DUOXA1: variants seen among roughly 807,000 people sequenced by gnomAD.
DUOXA1 encodes dual oxidase maturation factor 1, also known as dual oxidase activator 1.
In DUOXA1, 19 loss-of-function variants were observed where a neutral mutation model predicts 26.6. That is an observed-to-expected ratio of 0.71 (90% CI 0.50 to 1.05). The LOEUF is 1.05. Ranked by LOEUF, DUOXA1 falls within the 50% of genes least tolerant of loss-of-function variation. The pLI, the probability that DUOXA1 is intolerant of heterozygous loss-of-function variation, is 0.00. For missense variants in DUOXA1, 403 were observed against 427.5 expected, an observed-to-expected ratio of 0.94 and a Z score of 0.51; for synonymous variants, 166 against 177.0, an observed-to-expected ratio of 0.94 and a Z score of 0.49.
At position 45,120,680 on chromosome 15, in the gene DUOXA1, A is replaced by T. The variant is rs752348163; in HGVS notation, c.466T>A (p.Tyr156Asn). ...LEKGLPDPVL[Y>N]LAEKFTPRSP... Reference sequence around the variant, plus strand: ...CTTGGAGTGAACTTCTCAGCTAGGTACAACACAGGGTCTGGCAGCCCCTTC... The same window carrying T: ...CTTGGAGTGAACTTCTCAGCTAGGTTCAACACAGGGTCTGGCAGCCCCTTC... The change falls in exon 7 of 9, where the codon TAC (tyrosine) becomes AAC (asparagine). Residue 156 changes from tyrosine (Y) to asparagine (N), a missense_variant. Transcript: ENST00000560572. The T allele has an allele frequency of 1.9e-6, 3 of 1,614,158 alleles. No individual in the cohort carries two copies. In the Admixed American group the frequency reaches 5.0e-5, roughly 27 times the overall value.
rs773723948 is a variant in DUOXA1 at position 45,120,249 on chromosome 15, A to G, written c.626T>C (p.Met209Thr). ...CTGGAAGATGCCCGTGGCCAATAGCATGTAGCCACCATATACCAGCACAGG... is the reference window on the plus strand; with the variant it reads ...CTGGAAGATGCCCGTGGCCAATAGCGTGTAGCCACCATATACCAGCACAGG... ...SMPVLVYGGYMLLATGIFQLL... is the reference protein window; with the variant it reads ...SMPVLVYGGYTLLATGIFQLL... Residue 209 changes from methionine to threonine, a missense_variant, in exon 8 of 9, where the codon ATG becomes ACG. Met to Thr is a moderately conservative substitution (Grantham distance 81). Transcript: ENST00000560572. 4 of 1,614,030 alleles carry G rather than the reference A, an allele frequency of 2.5e-6. No individual in the cohort carries two copies. Among genetic ancestry groups the G allele is most frequent in the Non-Finnish European group, 3.4e-6 (4 of 1,180,004 alleles).
chr15:45,129,841 C>T lies in DUOXA1; in HGVS notation c.-303+11G>A, dbSNP rs1226347186. ...TCTCTACCTGCGCCCCGGGAGCCCTCGCCGTCTCACCTCGCGCGCTGCCGT... is the reference window on the plus strand; with the variant it reads ...TCTCTACCTGCGCCCCGGGAGCCCTTGCCGTCTCACCTCGCGCGCTGCCGT... On this transcript the variant is annotated intron_variant, in intron 1 of 8. Coordinates refer to ENST00000560572, the MANE Select transcript of DUOXA1 (RefSeq NM_001276266.2). The surrounding 1 kb of genome is among the most constrained non-coding windows in gnomAD (Gnocchi z 4.1). 1.3e-5 allele frequency: 2 copies of T among 152,278 alleles called. No homozygotes were observed. Among genetic ancestry groups the T allele is most frequent in the East Asian group, 1.9e-4 (1 of 5,174 alleles). The allele number at this position is 152,278 out of a possible 1,614,324, so 9.4% of individuals were successfully genotyped here. A position where few individuals can be genotyped will look rare whatever the true frequency, so the allele number is the denominator to read the frequency against.
chr15:45,119,314 T>A lies in DUOXA1; in HGVS notation c.824A>T (p.Gln275Leu). Residue 275 changes from glutamine (Q) to leucine (L), a missense_variant, in exon 9 of 9, where the codon CAG becomes CTG. Physicochemically the swap from Gln to Leu is moderately radical, Grantham distance 113. Coordinates refer to ENST00000560572, the MANE Select transcript of DUOXA1 (RefSeq NM_001276266.2). The part of the protein sequence containing the change: ...GLAMAVAHRM[Q>L]PHRLKAFFNQ... ...GAAGAAAGCCTTCAGCCTGTGAGGC[T>A]GCATCCTGTGGGCCACCGCCATAGC... is the stretch of plus-strand genomic sequence containing the variant. 1 of 1,613,828 alleles carries A rather than the reference T, an allele frequency of 6.2e-7. No homozygotes were observed. Among genetic ancestry groups the A allele is most frequent in the African/African-American group, 1.3e-5 (1 of 75,052 alleles).
chr15:45,121,312 CT>C, intron 5 of DUOXA1, 91 bp from the exon 6 acceptor site: 1 of 1,581,426 alleles, frequency 6.3e-7, no homozygotes, highest in Non-Finnish European at 8.6e-7. Flanking sequence ...GGGTCCATGT[CT>C]GTTTTGGTCA....
chr15:45,118,300 C>T lies in DUOXA1; in HGVS notation c.*806G>A. ...CTACCAGAGCTAGCATCTTTCTGAA[C>T]CACCCCAGGGGGACGTTAGGTGGCA... is the stretch of plus-strand genomic sequence containing the variant. On this transcript the variant is annotated 3_prime_UTR_variant, in exon 9 of 9. Transcript: ENST00000560572. 7.7e-7 allele frequency: 1 copy of T among 1,306,396 alleles called. No individual in the cohort carries two copies. The highest frequency in any genetic ancestry group is 9.7e-7 in the Non-Finnish European group (1 of 1,030,260). 80.9% of individuals were successfully genotyped at this position (1,306,396 alleles called of 1,614,324 possible). A position where few individuals can be genotyped will look rare whatever the true frequency, so the allele number is the denominator to read the frequency against.
At chr15:45,124,934 A>C (rs1008739234) in intron 3 of DUOXA1, among the ~76,000 whole-genome samples, 3 of 152,144 alleles carry the variant, frequency 2.0e-5, no homozygotes. Flanking sequence ...TGGTTTCTTC[A>C]TCTGTAAATG....
chr15:45,120,576 T>C lies in DUOXA1; in HGVS notation c.554+16A>G, dbSNP rs766238678. 1.2e-6 allele frequency: 2 copies of C among 1,613,606 alleles called. No individual in the cohort carries two copies. The highest frequency in any genetic ancestry group is 2.2e-5 in the South Asian group (2 of 91,062). On this transcript the variant is annotated intron_variant, in intron 7 of 8. Transcript: ENST00000560572. ...AGGCTACCAGGGCCTCCACCCCGTC[T>C]CCTTCCCATCCTCACCATAGCATGG...
chr15:45,118,168 C>A lies in DUOXA1; in HGVS notation c.*938G>T, dbSNP rs1894812210. ...CGGGGTCGCACGTCCTCATGAGCTT[C>A]GCTGGGCTGGAGACAGCCTAGTACA... is the stretch of plus-strand genomic sequence containing the variant. On this transcript the variant is annotated 3_prime_UTR_variant, in exon 9 of 9. Transcript: ENST00000560572. 1.4e-6 allele frequency: 2 copies of A among 1,436,164 alleles called. No homozygotes were observed. The highest frequency in any genetic ancestry group is 2.9e-5 in the African/African-American group (2 of 69,720). 89.0% of individuals were successfully genotyped at this position (1,436,164 alleles called of 1,614,324 possible).
Position 45,122,866 on chromosome 15 carries a change from A to G in DUOXA1, c.147+2T>C, listed in dbSNP as rs1895362564. On this transcript the variant is annotated splice_donor_variant, in intron 4 of 8. Transcript: ENST00000560572. LOFTEE classifies it high-confidence loss of function. ...TGGGGTCTCCAGGACTGGGTTTCTC[A>G]CCGTCTTTCCCCGAATGCCAGGCAG... 1 of 1,606,566 alleles carries G rather than the reference A, an allele frequency of 6.2e-7. No homozygotes were observed. Among genetic ancestry groups the G allele is most frequent in the Admixed American group, 1.7e-5 (1 of 59,588 alleles).
chr15:45,122,919 CAG>C lies in DUOXA1; in HGVS notation c.94_95del (p.Leu32AspfsTer43), dbSNP rs1385520390. On this transcript the variant is annotated frameshift_variant, in exon 4 of 9. Coordinates refer to ENST00000560572, the MANE Select transcript of DUOXA1 (RefSeq NM_001276266.2). LOFTEE classifies it high-confidence loss of function. The part of the protein sequence containing the change: ...TTLASIIMIF[L>X]TALATFIVIL... ...TGACGATGAACGTGGCCAGTGCAGTCAGAAAGATCATGATGATGCTGGCCAAA... is the reference window on the plus strand; with the variant it reads ...TGACGATGAACGTGGCCAGTGCAGTCAAAGATCATGATGATGCTGGCCAAA... The C allele has an allele frequency of 3.1e-6, 5 of 1,613,116 alleles. No individual in the cohort carries two copies. The highest frequency in any genetic ancestry group is 4.2e-6 in the Non-Finnish European group (5 of 1,179,678).
chr15:45,123,727 C>CTAT (rs138909812), intron 3 of DUOXA1, among the ~76,000 whole-genome samples: 2,348 of 152,364 alleles, frequency 0.015, 55 homozygotes, highest in African/African-American at 0.053. Flanking sequence ...AGATGTCCTT[C>CTAT]TATTCCACAC....
In DUOXA1 at chr15:45,117,675, A is replaced by C. The variant is rs745767509; in HGVS notation, c.*1431T>G. 3.7e-6 allele frequency: 6 copies of C among 1,613,652 alleles called. No individual in the cohort carries two copies. In the African/African-American group the frequency reaches 6.7e-5, roughly 18 times the overall value. ...GACCAGCCTGGGCAACATAGCCCTG[A>C]CTCCACATGCCCTCCTTTCTTTCGA... On this transcript the variant is annotated 3_prime_UTR_variant, in exon 9 of 9. Coordinates refer to ENST00000560572, the MANE Select transcript of DUOXA1 (RefSeq NM_001276266.2).
chr15:45,128,341 C>T (rs1895849956), intron 3 of DUOXA1, among the ~76,000 whole-genome samples: 1 of 152,238 alleles, frequency 6.6e-6, no homozygotes, highest in Admixed American at 6.5e-5. Flanking sequence ...TGCCCACCTC[C>T]CCCATCTGCT....
Position 45,122,927 on chromosome 15 carries a change from T to A in DUOXA1, c.88A>T (p.Ile30Phe), listed in dbSNP as rs1264499226. The change falls in exon 4 of 9, where the codon ATC (isoleucine) becomes TTC (phenylalanine). Residue 30 changes from isoleucine to phenylalanine, a missense_variant. Ile to Phe is a conservative substitution (Grantham distance 21). Transcript: ENST00000560572. ...AACGTGGCCAGTGCAGTCAGAAAGA[T>A]CATGATGATGCTGGCCAAAGTGGTG... ...MDTTLASIIMIFLTALATFIV... is the reference protein window; with the variant it reads ...MDTTLASIIMFFLTALATFIV... 1 of 1,613,162 alleles carries A rather than the reference T, an allele frequency of 6.2e-7. No homozygotes were observed. The highest frequency in any genetic ancestry group is 8.5e-7 in the Non-Finnish European group (1 of 1,179,666).
chr15:45,121,018 C>A (rs1254522183), intron 6 of DUOXA1, 69 bp downstream of exon 6: 2 of 1,603,012 alleles, frequency 1.2e-6, no homozygotes, highest in Non-Finnish European at 1.7e-6. Flanking sequence ...AGCTCTTTGA[C>A]CACACCAAAC....
In DUOXA1 at chr15:45,118,825, G is replaced by A. The variant is rs1470853726; in HGVS notation, c.*281C>T. ...GCATCTTGAAGAGGCAAGGCAGCACGGAAAGGCTGGGTTGCTGTGCAGATA... is the reference window on the plus strand; with the variant it reads ...GCATCTTGAAGAGGCAAGGCAGCACAGAAAGGCTGGGTTGCTGTGCAGATA... On this transcript the variant is annotated 3_prime_UTR_variant, in exon 9 of 9. Transcript: ENST00000560572. 14 of 1,145,628 alleles carry A rather than the reference G, an allele frequency of 1.2e-5. No homozygotes were observed. Among genetic ancestry groups the A allele is most frequent in the African/African-American group, 1.6e-5 (1 of 62,842 alleles). The allele number at this position is 1,145,628 out of a possible 1,614,324, so 71.0% of individuals were successfully genotyped here.
intron 3 of DUOXA1, among the ~76,000 whole-genome samples, chr15:45,124,002 T>C (rs1383209331): frequency 6.6e-6 from 1 of 152,044 alleles, no homozygotes; most frequent in Non-Finnish European, 1.5e-5. Flanking sequence ...ATGGCCACCA[T>C]TGCTGGTGAG....
rs746763725 is a variant in DUOXA1, at chr15:45,117,699, G to A, written c.*1407C>T. 1.2e-6 allele frequency: 2 copies of A among 1,613,512 alleles called. No homozygotes were observed. Among genetic ancestry groups the A allele is most frequent in the African/African-American group, 2.7e-5 (2 of 75,040 alleles). On this transcript the variant is annotated 3_prime_UTR_variant, in exon 9 of 9. Coordinates refer to ENST00000560572, the MANE Select transcript of DUOXA1 (RefSeq NM_001276266.2). ...GACTCCACATGCCCTCCTTTCTTTC[G>A]ATCCCCACCGCCACAGGCGTCCTGT...
In DUOXA1 at chr15:45,123,007, G is replaced by A. The variant is rs1172167235; in HGVS notation, c.8C>T (p.Thr3Ile). ...ATAGAAGGGGAATGTGTGTCCCAAA[G>A]TAGCCATCTTGGTGAGGTGGTGCAG... is the stretch of plus-strand genomic sequence containing the variant. The part of the protein sequence containing the change: MA[T>I]LGHTFPFYAG... The change falls in exon 4 of 9, where the codon ACT becomes ATT. Residue 3 changes from threonine (T) to isoleucine (I), a missense_variant. By Grantham distance (89) the Thr-to-Ile change is moderately conservative (BLOSUM62 -1). Transcript: ENST00000560572. The A allele has an allele frequency of 1.2e-6, 2 of 1,609,890 alleles. No homozygotes were observed. The highest frequency in any genetic ancestry group is 1.7e-6 in the Non-Finnish European group (2 of 1,178,070).
Sources: allele counts gnomAD v4.1 joint callset (sites outside exome capture counted in the v4.1 genomes callset), GRCh38; gene constraint gnomAD v4.1.1; non-coding constraint Gnocchi (gnomAD v3.1); transcripts MANE v1.5; gene names NCBI Gene and HGNC (gene_info 2026-07-23, HGNC 2026-07-21).